The following MBD5 variants were observed in gnomAD, a reference collection of about 807,000 sequenced individuals.
The protein encoded by MBD5 is methyl-CpG binding domain protein 5.
MBD5 carries 13 observed loss-of-function variants against 117.3 expected under a neutral mutation model. The observed-to-expected ratio is 0.11, with a 90% confidence interval of 0.07 to 0.18. MBD5 has a LOEUF of 0.18. Among genes scored for constraint, MBD5 ranks in the 10% least tolerant of loss-of-function variants. MBD5 has a pLI of 1.00. For synonymous variants in MBD5, 727 were observed against 766.4 expected (o/e 0.95, Z 0.85); for missense variants, 1,879 against 2,093.8 (o/e 0.90, Z 2.00).
intron 4 of MBD5, among the ~76,000 whole-genome samples, chr2:148,368,006 A>G (rs1002513071): frequency 3.9e-5 from 6 of 152,168 alleles, no homozygotes; most frequent in South Asian, 4.1e-4. Context: ...AAATCATTCT[A>G]CTATAAAGAC....
chr2:148,427,243 G>A (rs1429039625), intron 4 of MBD5, among the ~76,000 whole-genome samples: 4 of 152,118 alleles, frequency 2.6e-5, no homozygotes. Context: ...AGTTGGCGTG[G>A]CGATTCCTCA....
chr2:148,445,057 G>A (rs1461685962), intron 4 of MBD5, among the ~76,000 whole-genome samples: 1 of 151,182 alleles, frequency 6.6e-6, no homozygotes, highest in Non-Finnish European at 1.5e-5. Flanking sequence ...CACCACCCAA[G>A]CATGTTGCCA....
At chr2:148,472,294 G>A (rs904479121) in intron 8 of MBD5, 1 of 152,066 alleles carries the variant, frequency 6.6e-6, no homozygotes, top group East Asian at 1.9e-4. Context: ...TGTCAGAAAA[G>A]TGTGAGCATA....
At chr2:148,382,813 G>A (rs961834625) in intron 4 of MBD5, among the ~76,000 whole-genome samples, 15 of 151,880 alleles carry the variant, frequency 9.9e-5, no homozygotes, top group African/African-American at 1.9e-4. Flanking sequence ...ACTCAAAACC[G>A]CTCAACTACA....
In MBD5 at chr2:148,414,267, G is replaced by T. The variant is rs193013300; in HGVS notation, c.-556-43936G>T. Among the ~76,000 whole-genome samples the T allele has an allele frequency of 2.7e-3, 411 of 152,152 alleles. 1 individual carries two copies. The highest frequency in any genetic ancestry group is 4.9e-3 in the Non-Finnish European group (333 of 67,976). ...AGCCGGTTAATTTCCATGAAATTTTGTGATTGTGAGTGATTTTCTTAGTAT... is the reference window on the plus strand; with the variant it reads ...AGCCGGTTAATTTCCATGAAATTTTTTGATTGTGAGTGATTTTCTTAGTAT... On this transcript the variant is annotated intron_variant, in intron 4 of 13. Transcript: ENST00000642680.
chr2:148,227,427 T>A (rs1299191177), intron 2 of MBD5, among the ~76,000 whole-genome samples: 1 of 152,218 alleles, frequency 6.6e-6, no homozygotes, highest in Admixed American at 6.5e-5. Flanking sequence ...TAGTTGTAGA[T>A]ACGCGGCATT....
At chr2:148,292,891 TAAA>T (rs59347845) in intron 3 of MBD5, among the ~76,000 whole-genome samples, 1 of 135,312 alleles carries the variant, frequency 7.4e-6, no homozygotes. Context: ...CATTCAGCCA[TAAA>T]AAAAAAAAAG....
At chr2:148,170,595 T>C (rs1698241755) in intron 1 of MBD5, among the ~76,000 whole-genome samples, 1 of 152,232 alleles carries the variant, frequency 6.6e-6, no homozygotes, top group Non-Finnish European at 1.5e-5. Context: ...AGAATTTTTT[T>C]AAAAGTCACC....
intron 4 of MBD5, among the ~76,000 whole-genome samples, chr2:148,425,438 G>A (rs931922256): frequency 6.6e-6 from 1 of 152,152 alleles, no homozygotes; most frequent in African/African-American, 2.4e-5. Flanking sequence ...CAGGTTCACA[G>A]CCAAATTCTA....
intron 3 of MBD5, among the ~76,000 whole-genome samples, chr2:148,282,822 G>A (rs1000569210): frequency 1.3e-5 from 2 of 150,890 alleles, no homozygotes; most frequent in East Asian, 1.9e-4. Flanking sequence ...TACTTTCTGG[G>A]TCATTTAAAT....
chr2:148,448,710 C>G (rs879834161), intron 4 of MBD5, among the ~76,000 whole-genome samples: 20 of 151,570 alleles, frequency 1.3e-4, no homozygotes, highest in Admixed American at 3.3e-4. Context: ...TATTGCAAAC[C>G]CCCAAATGGA....
At chr2:148,277,603 T>C (rs1408548432) in intron 3 of MBD5, among the ~76,000 whole-genome samples, 1 of 152,154 alleles carries the variant, frequency 6.6e-6, no homozygotes, top group Non-Finnish European at 1.5e-5. Flanking sequence ...CTATAATTAC[T>C]CAAGCAATGT....
intron 3 of MBD5, among the ~76,000 whole-genome samples, chr2:148,255,003 G>A (rs1172270472): frequency 1.3e-5 from 2 of 152,246 alleles, no homozygotes; most frequent in African/African-American, 4.8e-5. Context: ...GTTCTCTGCA[G>A]ATGCTGAATG....
At chr2:148,154,118 G>T (rs1455410565) in intron 1 of MBD5, among the ~76,000 whole-genome samples, 1 of 90,086 alleles carries the variant, frequency 1.1e-5, no homozygotes, top group Non-Finnish European at 2.3e-5. Context: ...ATGGGTTTTG[G>T]TGTGGATGTC....
chr2:148,354,928 G>A lies in MBD5; in HGVS notation c.-557+12592G>A, dbSNP rs562331563. Among the ~76,000 whole-genome samples, 6 of 151,694 alleles carry A rather than the reference G, an allele frequency of 4.0e-5. No individual in the cohort carries two copies. The East Asian group carries it at 9.7e-4, about 24-fold the overall frequency. ...TGAGAAGTGTCTGTTCATATCCTTTGCTCACTTTTTGATGGACTTTTTCAT... is the reference window on the plus strand; with the variant it reads ...TGAGAAGTGTCTGTTCATATCCTTTACTCACTTTTTGATGGACTTTTTCAT... On this transcript the variant is annotated intron_variant, in intron 4 of 13. Coordinates refer to ENST00000642680, the MANE Select transcript of MBD5 (RefSeq NM_001378120.1).
At chr2:148,324,319 G>T (rs988761818) in intron 3 of MBD5, among the ~76,000 whole-genome samples, 1 of 151,108 alleles carries the variant, frequency 6.6e-6, no homozygotes, top group East Asian at 2.0e-4. Flanking sequence ...TTGACTTGCC[G>T]GCTCTTTTGT....
intron 3 of MBD5, among the ~76,000 whole-genome samples, chr2:148,319,354 C>T (rs1339878891): frequency 6.6e-6 from 1 of 152,148 alleles, no homozygotes; most frequent in African/African-American, 2.4e-5. Context: ...GCAGTCTGGT[C>T]ATTTTAACAA....
intron 4 of MBD5, among the ~76,000 whole-genome samples, chr2:148,419,450 T>C (rs1705528920): frequency 6.6e-6 from 1 of 152,172 alleles, no homozygotes; most frequent in Non-Finnish European, 1.5e-5. Context: ...CTGGAATGCA[T>C]TTCTGTGAAT....
intron 1 of MBD5, among the ~76,000 whole-genome samples, chr2:148,143,039 A>T (rs191076129): frequency 2.6e-5 from 4 of 152,338 alleles, no homozygotes; most frequent in South Asian, 2.1e-4. Flanking sequence ...AATGGCAATT[A>T]TACGGATGCA....
Sources: allele counts gnomAD v4.1 joint callset (sites outside exome capture counted in the v4.1 genomes callset), GRCh38; gene constraint gnomAD v4.1.1; transcripts MANE v1.5; gene names NCBI Gene and HGNC (gene_info 2026-07-23, HGNC 2026-07-21).